DTNA: variants seen among roughly 807,000 people sequenced by gnomAD.
The protein encoded by DTNA is dystrobrevin alpha, also known as dystrophin-related protein 3.
Under a neutral mutation model 100.7 loss-of-function variants are expected in DTNA, and 43 were observed. The observed-to-expected ratio is 0.43, with a 90% CI of 0.33 to 0.55. The LOEUF (loss-of-function observed/expected upper bound fraction) is 0.55, where lower values mean the gene tolerates loss of function less well. DTNA is among the 20% of genes least tolerant of loss of function. DTNA has a pLI of 0.04. For synonymous variants in DTNA, 349 were observed against 347.9 expected (o/e 1.00, Z -0.04); for missense variants, 798 against 953.9 (o/e 0.84, Z 2.15).
chr18:34,585,484 C>T (rs550463770), intron 1 of DTNA, among the ~76,000 whole-genome samples: 6 of 152,140 alleles, frequency 3.9e-5, no homozygotes, highest in African/African-American at 1.4e-4. Flanking sequence ...ATAATGTAAA[C>T]CCTAATTAGT....
chr18:34,557,263 A>G (rs1233130070), intron 1 of DTNA, among the ~76,000 whole-genome samples: 4 of 140,544 alleles, frequency 2.8e-5, no homozygotes, highest in Non-Finnish European at 6.2e-5. Flanking sequence ...CTAGTTATAC[A>G]TTCTTCTAAA....
chr18:34,882,138 G>A lies in DTNA; in HGVS notation c.2232G>A (p.Gln744=). 6.2e-7 allele frequency: 1 copy of A among 1,614,094 alleles called. No individual in the cohort carries two copies. Among genetic ancestry groups the A allele is most frequent in the Non-Finnish European group, 8.5e-7 (1 of 1,179,992 alleles). The change falls in exon 21 of 23, where the codon CAG becomes CAA. Residue 744 remains glutamine, a synonymous_variant. Coordinates refer to ENST00000444659, the MANE Select transcript of DTNA (RefSeq NM_001386795.1). ...DENYENDSVR[Q]LENELQMEEY... Reference sequence around the variant, plus strand: ...ACTATGAAAATGACTCTGTCCGGCAGCTGGAGAATGAGCTCCAGATGGAGG... The same window carrying A: ...ACTATGAAAATGACTCTGTCCGGCAACTGGAGAATGAGCTCCAGATGGAGG...
chr18:34,742,608 A>G (rs1048118300), intron 1 of DTNA, among the ~76,000 whole-genome samples: 2 of 152,134 alleles, frequency 1.3e-5, no homozygotes, highest in African/African-American at 4.8e-5. Context: ...GGGGGTTAAG[A>G]TGTGGACATC....
chr18:34,815,631 T>C (rs923813390), intron 6 of DTNA: 4 of 382,342 alleles, frequency 1.0e-5, no homozygotes, highest in African/African-American at 8.3e-5. Flanking sequence ...GTCTTTCATA[T>C]ATACAAATGA....
chr18:34,811,007 A>G (rs1021661297), intron 5 of DTNA, among the ~76,000 whole-genome samples: 7 of 152,210 alleles, frequency 4.6e-5, no homozygotes, highest in Non-Finnish European at 8.8e-5. Flanking sequence ...CAATGTTCCC[A>G]GATTATATTT....
chr18:34,799,632 A>G (rs2095128837), intron 4 of DTNA, among the ~76,000 whole-genome samples: 2 of 152,224 alleles, frequency 1.3e-5, no homozygotes, highest in Non-Finnish European at 2.9e-5. Flanking sequence ...CAAGATGTCC[A>G]TAGAACATTC....
intron 1 of DTNA, among the ~76,000 whole-genome samples, chr18:34,596,687 A>G (rs1277989977): frequency 6.6e-6 from 1 of 152,232 alleles, no homozygotes; most frequent in Non-Finnish European, 1.5e-5. Flanking sequence ...GTTCTAGAGA[A>G]CATATCAAAG....
intron 15 of DTNA, among the ~76,000 whole-genome samples, chr18:34,855,366 C>G (rs2096540038): frequency 6.6e-6 from 1 of 152,098 alleles, no homozygotes; most frequent in Admixed American, 6.5e-5. Context: ...TGACTAGAAG[C>G]TGGTGGGAAG....
At chr18:34,810,559 A>G (rs1224172155) in intron 5 of DTNA, among the ~76,000 whole-genome samples, 1 of 150,770 alleles carries the variant, frequency 6.6e-6, no homozygotes, top group East Asian at 2.0e-4. Flanking sequence ...GGTTGGGGGG[A>G]TAGGGAGAGG....
Position 34,777,139 on chromosome 18 carries a change from T to C in DTNA, c.148+11098T>C, listed in dbSNP as rs2094101065. 2.6e-5 allele frequency among the ~76,000 whole-genome samples: 4 copies of C among 152,226 alleles called. No individual in the cohort carries two copies. The South Asian group carries it at 8.3e-4, about 32-fold the overall frequency. ...ACATTCTAATATACGCTATGCTATG[T>C]AATTTACTTAGTTGTTATGTTTATT... On this transcript the variant is annotated intron_variant, in intron 3 of 22. Transcript: ENST00000444659.
chr18:34,808,769 CAA>C (rs970455934), intron 5 of DTNA, among the ~76,000 whole-genome samples: 1 of 152,142 alleles, frequency 6.6e-6, no homozygotes, highest in Non-Finnish European at 1.5e-5. Flanking sequence ...CTCTAGTGGC[CAA>C]AGTCTATCCT....
intron 1 of DTNA, among the ~76,000 whole-genome samples, chr18:34,680,051 A>G (rs2077879215): frequency 6.6e-6 from 1 of 152,186 alleles, no homozygotes; most frequent in Non-Finnish European, 1.5e-5. Context: ...TTAATCACTA[A>G]TGAATCTGTG....
chr18:34,791,675 T>C (rs914573712), intron 3 of DTNA, among the ~76,000 whole-genome samples: 2 of 152,206 alleles, frequency 1.3e-5, no homozygotes, highest in African/African-American at 4.8e-5. Flanking sequence ...AATCTGAATT[T>C]TTCCAAAACT....
At chr18:34,845,896 A>G (rs1157362306) in intron 13 of DTNA, among the ~76,000 whole-genome samples, 1 of 152,212 alleles carries the variant, frequency 6.6e-6, no homozygotes, top group Non-Finnish European at 1.5e-5. Flanking sequence ...TGGGATTGAT[A>G]CTAAACATTA....
At chr18:34,733,530 A>T (rs2088818750) in intron 1 of DTNA, among the ~76,000 whole-genome samples, 2 of 152,160 alleles carry the variant, frequency 1.3e-5, no homozygotes, top group Admixed American at 1.3e-4. Context: ...GGACCCTGCC[A>T]CCTTGGGATC....
chr18:34,879,716 A>C lies in DTNA; in HGVS notation c.2159A>C (p.Asp720Ala). Residue 720 changes from aspartate to alanine, a missense_variant, in exon 20 of 23, where the codon GAC (aspartate) becomes GCC (alanine). Physicochemically the swap from Asp to Ala is moderately radical, Grantham distance 126. Around this residue, in one of 6 missense-constraint regions of DTNA, gnomAD observed 242 missense variants for 238.2 expected, o/e 1.02. Coordinates refer to ENST00000444659, the MANE Select transcript of DTNA (RefSeq NM_001386795.1). Reference sequence around the variant, plus strand: ...GCTACCACAAGTACCATGCGTGGCGACATGTGAGTATCTTCCGCTTGGAAG... The same window carrying C: ...GCTACCACAAGTACCATGCGTGGCGCCATGTGAGTATCTTCCGCTTGGAAG... The part of the protein sequence containing the change: ...SGATTSTMRG[D>A]MVTEDADPYV... The C allele has an allele frequency of 1.2e-6, 2 of 1,614,078 alleles. No homozygotes were observed. The highest frequency in any genetic ancestry group is 1.7e-6 in the Non-Finnish European group (2 of 1,179,968).
At chr18:34,853,263 C>G (rs2096506025) in intron 15 of DTNA, among the ~76,000 whole-genome samples, 1 of 152,112 alleles carries the variant, frequency 6.6e-6, no homozygotes, top group South Asian at 2.1e-4. Context: ...TTTCTTGAAA[C>G]AGCACCAAAA....
At chr18:34,723,392 T>G (rs1014972039) in intron 1 of DTNA, among the ~76,000 whole-genome samples, 10 of 152,156 alleles carry the variant, frequency 6.6e-5, no homozygotes, top group Admixed American at 6.6e-4. Flanking sequence ...GGAGTATATA[T>G]TATACATAGA....
chr18:34,614,577 A>T (rs193009628), intron 1 of DTNA, among the ~76,000 whole-genome samples: 1 of 152,312 alleles, frequency 6.6e-6, no homozygotes, highest in East Asian at 1.9e-4. Context: ...GTTGATTTCA[A>T]CCCTCATGAA....
Sources: gnomAD v4.1 joint callset for allele counts (sites outside exome capture counted in the v4.1 genomes callset) on GRCh38, gnomAD v4.1.1 for gene constraint, gnomAD v4.1.1 regional missense constraint, MANE v1.5 for transcripts, NCBI Gene and HGNC (gene_info 2026-07-23, HGNC 2026-07-21) for gene names.